COL23A1: variants seen among roughly 807,000 people sequenced by gnomAD.
The protein encoded by COL23A1 is collagen type XXIII alpha 1 chain, also known as collagen alpha-1(XXIII) chain.
In COL23A1, 97 loss-of-function variants were observed where a neutral mutation model predicts 99.3. The observed-to-expected ratio is 0.98, with a 90% CI of 0.83 to 1.16. The LOEUF (loss-of-function observed/expected upper bound fraction) is 1.16. Among genes scored for constraint, COL23A1 ranks in the 50% most tolerant of loss-of-function variants. The pLI, the probability that COL23A1 is intolerant of heterozygous loss-of-function variation, is 0.00. For missense variants in COL23A1, 762 were observed against 757.4 expected (o/e 1.01, Z -0.07); for synonymous variants, 320 against 308.2 (o/e 1.04, Z -0.40).
chr5:178,501,088 C>T (rs1034604868), intron 2 of COL23A1, among the ~76,000 whole-genome samples: 2 of 152,088 alleles, frequency 1.3e-5, no homozygotes, highest in Non-Finnish European at 2.9e-5. Context: ...CAAATAAAAG[C>T]CCAGGGCATT....
intron 2 of COL23A1, among the ~76,000 whole-genome samples, chr5:178,553,375 T>C (rs1762110475): frequency 1.3e-5 from 2 of 152,194 alleles, no homozygotes; most frequent in South Asian, 4.1e-4. Flanking sequence ...CGGTCCTAAG[T>C]GGAGTTTCAC....
intron 1 of COL23A1, among the ~76,000 whole-genome samples, chr5:178,585,230 G>A (rs920703268): frequency 5.3e-5 from 8 of 152,130 alleles, no homozygotes; most frequent in Admixed American, 3.3e-4. Context: ...CTGAACCCCC[G>A]CTCTGCCCCA....
chr5:178,293,221 G>T (rs1004857884), intron 3 of COL23A1, among the ~76,000 whole-genome samples: 5 of 152,072 alleles, frequency 3.3e-5, no homozygotes, highest in African/African-American at 4.8e-5. Flanking sequence ...CCAGCAGAGA[G>T]AGAGGATTCG....
intron 27 of COL23A1, among the ~76,000 whole-genome samples, chr5:178,240,864 C>A (rs540195685): frequency 1.3e-5 from 2 of 152,148 alleles, no homozygotes; most frequent in Non-Finnish European, 2.9e-5. Context: ...AGTTTTAGTA[C>A]GAAAACCCAG....
chr5:178,297,560 C>T (rs1757812016), intron 3 of COL23A1, among the ~76,000 whole-genome samples: 1 of 152,188 alleles, frequency 6.6e-6, no homozygotes, highest in African/African-American at 2.4e-5. Context: ...ACAAAGATGT[C>T]TCCTCACCCT....
chr5:178,441,693 C>T (rs1264354588), intron 2 of COL23A1, among the ~76,000 whole-genome samples: 2 of 152,126 alleles, frequency 1.3e-5, no homozygotes, highest in Admixed American at 1.3e-4. Context: ...AGTCAAGGAA[C>T]CCCTAACAGA....
At position 178,440,952 on chromosome 5, in the gene COL23A1, T is replaced by C. The variant is rs1201991828; in HGVS notation, c.361+119730A>G. 4.6e-5 allele frequency among the ~76,000 whole-genome samples: 7 copies of C among 152,264 alleles called. No individual in the cohort carries two copies. The South Asian group carries it at 8.3e-4, about 18-fold the overall frequency. On this transcript the variant is annotated intron_variant, in intron 2 of 28. Transcript: ENST00000390654. ...TCTTTCTATGTGTGTATTATCTCTA[T>C]GTGTACTGAATTCTGGGTTGCATAT...
chr5:178,440,512 C>G (rs1184397869), intron 2 of COL23A1, among the ~76,000 whole-genome samples: 1 of 152,168 alleles, frequency 6.6e-6, no homozygotes, highest in Non-Finnish European at 1.5e-5. Flanking sequence ...GTTGTGAAAT[C>G]AACTGTGCTC....
chr5:178,474,671 T>C (rs1398644189), intron 2 of COL23A1, among the ~76,000 whole-genome samples: 4 of 152,212 alleles, frequency 2.6e-5, no homozygotes, highest in Non-Finnish European at 4.4e-5. Context: ...ACTCAGTACA[T>C]TTTTATTGAG....
chr5:178,539,522 G>C, intron 2 of COL23A1, among the ~76,000 whole-genome samples: 1 of 141,582 alleles, frequency 7.1e-6, no homozygotes, highest in Non-Finnish European at 1.5e-5. Flanking sequence ...CTCCGGCCTG[G>C]GTGACAGAGC....
At chr5:178,486,904 G>A (rs956490080) in intron 2 of COL23A1, among the ~76,000 whole-genome samples, 1 of 152,222 alleles carries the variant, frequency 6.6e-6, no homozygotes, top group African/African-American at 2.4e-5. Flanking sequence ...ACTGACGGGG[G>A]TGCTGAAATT....
intron 20 of COL23A1, 125 bp downstream of exon 20, chr5:178,248,067 A>C: frequency 1.3e-6 from 1 of 759,602 alleles, no homozygotes; most frequent in Non-Finnish European, 2.2e-6. Context: ...CGCTCCCCTT[A>C]CTCTCCCTCC....
Position 178,365,136 on chromosome 5 carries a change from C to CATGTGT in COL23A1, c.362-58218_362-58217insACACAT, listed in dbSNP as rs1554147540. On this transcript the variant is annotated intron_variant, in intron 2 of 28. Transcript: ENST00000390654. The surrounding 1 kb of genome is among the most constrained non-coding windows in gnomAD (Gnocchi z 5.2). The stretch of plus-strand genomic sequence containing the variant: ...GGGCTTTATGATGTTGCTGTGTGTG[C>CATGTGT]GTGTGTGTGTGTGTGTGTGTGTGTG... 3.4e-5 allele frequency among the ~76,000 whole-genome samples: 5 copies of CATGTGT among 147,806 alleles called. No homozygotes were observed. Among genetic ancestry groups the CATGTGT allele is most frequent in the Non-Finnish European group, 7.5e-5 (5 of 66,932 alleles).
intron 2 of COL23A1, among the ~76,000 whole-genome samples, chr5:178,516,688 TTTC>T (rs1300749118): frequency 6.6e-6 from 1 of 152,218 alleles, no homozygotes; most frequent in Non-Finnish European, 1.5e-5. Context: ...TGCCTTTTCC[TTTC>T]TTAACTCAGG....
intron 27 of COL23A1, among the ~76,000 whole-genome samples, chr5:178,240,303 A>G (rs2127521334): frequency 6.6e-6 from 1 of 152,346 alleles, no homozygotes; most frequent in Admixed American, 6.5e-5. Flanking sequence ...CCATGTGTAC[A>G]CCAGGGACCA....
At chr5:178,389,082 C>A (rs919166606) in intron 2 of COL23A1, among the ~76,000 whole-genome samples, 1 of 152,206 alleles carries the variant, frequency 6.6e-6, no homozygotes, top group Non-Finnish European at 1.5e-5. Flanking sequence ...CCAGCCTTGA[C>A]TGGTTCCCCA....
chr5:178,561,059 C>T (rs1291841439), intron 1 of COL23A1, among the ~76,000 whole-genome samples: 1 of 152,242 alleles, frequency 6.6e-6, no homozygotes, highest in African/African-American at 2.4e-5. Flanking sequence ...TCAAAAGCCA[C>T]AGCGACCACC....
chr5:178,376,115 C>T (rs1006711804), intron 2 of COL23A1, among the ~76,000 whole-genome samples: 37 of 152,348 alleles, frequency 2.4e-4, no homozygotes, highest in African/African-American at 8.9e-4. Flanking sequence ...GCACACGCCA[C>T]ATCCCAGTGT....
chr5:178,268,749 G>A lies in COL23A1; in HGVS notation c.476C>T (p.Pro159Leu), dbSNP rs1756051287. 6.2e-7 allele frequency: 1 copy of A among 1,603,590 alleles called. No individual in the cohort carries two copies. The highest frequency in any genetic ancestry group is 8.5e-7 in the Non-Finnish European group (1 of 1,173,590). ...ACTTACCTTTTCCCCTTTCGGGCCT[G>A]GAAGTCCCTGGAAAAGGAAAGTGGA... ...PLGLDGKPGL[P>L]GPKGEKGAPG... The change falls in exon 7 of 29, where the codon CCA (proline) becomes CTA (leucine). Residue 159 changes from proline (P) to leucine (L), a missense_variant. Coordinates refer to ENST00000390654, the MANE Select transcript of COL23A1 (RefSeq NM_173465.4).
Sources: allele counts gnomAD v4.1 joint callset (sites outside exome capture counted in the v4.1 genomes callset), GRCh38; gene constraint gnomAD v4.1.1; non-coding constraint Gnocchi (gnomAD v3.1); transcripts MANE v1.5; gene names NCBI Gene and HGNC (gene_info 2026-07-23, HGNC 2026-07-21).